The following LRRC74A variants were observed in gnomAD, a reference collection of about 807,000 sequenced individuals.
LRRC74A encodes the protein leucine-rich repeat-containing protein 74A.
LRRC74A carries 44 observed loss-of-function variants against 57.9 expected under a neutral mutation model. That is an observed-to-expected ratio of 0.76 (90% CI 0.60 to 0.98). The LOEUF is 0.98. Ranked by LOEUF, LRRC74A falls within the 50% of genes least tolerant of loss-of-function variation. The pLI, the probability that LRRC74A is intolerant of heterozygous loss-of-function variation, is 0.00. For synonymous variants in LRRC74A, 211 were observed against 219.4 expected, an observed-to-expected ratio of 0.96 and a Z score of 0.34; for missense variants, 572 against 574.0, an observed-to-expected ratio of 1.00 and a Z score of 0.04.
intron 7 of LRRC74A, among the ~76,000 whole-genome samples, chr14:76,848,913 A>G (rs1178531148): frequency 1.3e-5 from 2 of 152,180 alleles, no homozygotes; most frequent in African/African-American, 4.8e-5. Context: ...GTAAGTGGGT[A>G]GATTTCATGG....
At chr14:76,849,444 A>G (rs1278161718) in intron 7 of LRRC74A, among the ~76,000 whole-genome samples, 1 of 151,996 alleles carries the variant, frequency 6.6e-6, no homozygotes, top group African/African-American at 2.4e-5. Flanking sequence ...GATGTGAGCC[A>G]CTGCCCCGGG....
intron 7 of LRRC74A, among the ~76,000 whole-genome samples, chr14:76,850,292 C>A (rs570333065): frequency 6.6e-6 from 1 of 152,258 alleles, no homozygotes; most frequent in African/African-American, 2.4e-5. Context: ...GGATAAGTAA[C>A]CTGCCTGGGA....
intron 2 of LRRC74A, chr14:76,828,965 C>T: frequency 1.6e-6 from 2 of 1,273,320 alleles, no homozygotes; most frequent in South Asian, 1.3e-5. Context: ...CCCACACTCA[C>T]CTTAGAGCTC....
At chr14:76,853,651 C>T (rs1281111698) in intron 9 of LRRC74A, among the ~76,000 whole-genome samples, 3 of 152,100 alleles carry the variant, frequency 2.0e-5, no homozygotes, top group African/African-American at 7.2e-5. Flanking sequence ...AACAGGTCTT[C>T]CTTCCTCCCA....
chr14:76,830,772 G>A (rs1354983500), intron 2 of LRRC74A, among the ~76,000 whole-genome samples: 1 of 152,196 alleles, frequency 6.6e-6, no homozygotes, highest in Non-Finnish European at 1.5e-5. Context: ...GATAGTGGCG[G>A]TGAAACTAAA....
chr14:76,844,058 G>T (rs1896955230), intron 5 of LRRC74A, among the ~76,000 whole-genome samples: 1 of 152,030 alleles, frequency 6.6e-6, no homozygotes, highest in Admixed American at 6.6e-5. Flanking sequence ...GAGTGCAGTG[G>T]CACCAACATG....
chr14:76,852,767 CG>C (rs1333014516), intron 8 of LRRC74A, among the ~76,000 whole-genome samples: 3 of 151,894 alleles, frequency 2.0e-5, no homozygotes, highest in African/African-American at 7.3e-5. Flanking sequence ...TACAGGTGCC[CG>C]CCACCATGCC....
intron 6 of LRRC74A, 41 bp from the exon 7 acceptor site, chr14:76,844,779 A>C: frequency 9.0e-7 from 1 of 1,110,724 alleles, no homozygotes; most frequent in Non-Finnish European, 1.4e-6. Context: ...TTGCAATCAG[A>C]AGACAAAAAA....
rs186190386 is a variant in LRRC74A, at chr14:76,867,687, G to A, written c.1391+249G>A. Among the ~76,000 whole-genome samples, 18 of 152,284 alleles carry A rather than the reference G, an allele frequency of 1.2e-4. No homozygotes were observed. In the East Asian group the frequency reaches 3.5e-3, roughly 29 times the overall value. The stretch of plus-strand genomic sequence containing the variant: ...CGGATGCTGGGGATGCCAGCGGGAG[G>A]AGCCGGAGCCCACACTCACAGCCCA... On this transcript the variant is annotated intron_variant, in intron 13 of 13. Transcript: ENST00000689127.
chr14:76,850,816 C>A (rs369143518), intron 7 of LRRC74A, among the ~76,000 whole-genome samples: 4 of 137,110 alleles, frequency 2.9e-5, no homozygotes, highest in Non-Finnish European at 6.1e-5. Flanking sequence ...TGCAGTGAGC[C>A]GAGATTGTCA....
At chr14:76,843,742 C>T (rs901413894) in intron 5 of LRRC74A, among the ~76,000 whole-genome samples, 4 of 152,156 alleles carry the variant, frequency 2.6e-5, no homozygotes, top group South Asian at 2.1e-4. Flanking sequence ...TTCTCTGTCA[C>T]CCAGGCTGGA....
chr14:76,826,696 C>T lies in LRRC74A; in HGVS notation c.-2C>T. ...AGCTGCCCTCAAGAGGGTCCTGGCA[C>T]CATGGACAATGACAAGCCTCTTCAG... On this transcript the variant is annotated 5_prime_UTR_variant, in exon 1 of 14. Coordinates refer to ENST00000689127, the MANE Select transcript of LRRC74A (RefSeq NM_001385106.1). The T allele has an allele frequency of 6.4e-7, 1 of 1,555,024 alleles. No homozygotes were observed. Among genetic ancestry groups the T allele is most frequent in the South Asian group, 1.2e-5 (1 of 85,252 alleles).
chr14:76,838,345 A>G (rs1018407180), intron 5 of LRRC74A, among the ~76,000 whole-genome samples: 1 of 152,038 alleles, frequency 6.6e-6, no homozygotes, highest in African/African-American at 2.4e-5. Flanking sequence ...TTAAAAAGAG[A>G]CCTCCCCTCC....
chr14:76,843,977 AG>A (rs1896950520), intron 5 of LRRC74A, among the ~76,000 whole-genome samples: 1 of 150,192 alleles, frequency 6.7e-6, no homozygotes, highest in African/African-American at 2.5e-5. Flanking sequence ...CTGGGATTAT[AG>A]GCATGAGCCA....
At position 76,826,581 on chromosome 14, in the gene LRRC74A, C is replaced by T. The variant is rs747410665; in HGVS notation, c.-117C>T. ...ACTGCAGGCTCCCCTGGGATGCCCC[C>T]AGGTGAGGGAAGTTCACAGAGTTTG... On this transcript the variant is annotated 5_prime_UTR_variant, in exon 1 of 14. Transcript: ENST00000689127. 6.2e-7 allele frequency: 1 copy of T among 1,612,862 alleles called. No homozygotes were observed. Among genetic ancestry groups the T allele is most frequent in the African/African-American group, 1.3e-5 (1 of 74,908 alleles).
chr14:76,829,766 C>T (rs17809231), intron 2 of LRRC74A, among the ~76,000 whole-genome samples: 1,640 of 152,314 alleles, frequency 0.011, 11 homozygotes, highest in Middle Eastern at 0.024. Flanking sequence ...TAACTCGGGG[C>T]TCAGCAGCCC....
intron 2 of LRRC74A, among the ~76,000 whole-genome samples, chr14:76,829,373 G>A (rs560057572): frequency 2.2e-4 from 34 of 152,260 alleles, no homozygotes; most frequent in African/African-American, 7.9e-4. Flanking sequence ...ACCCTTCTAC[G>A]CAGACCTCCT....
chr14:76,867,459 G>C, intron 13 of LRRC74A, 21 bp downstream of exon 13: 1 of 1,430,292 alleles, frequency 7.0e-7, no homozygotes, highest in Non-Finnish European at 9.9e-7. Context: ...GCCCCGCGAC[G>C]ATCCCCGTTC....
Position 76,863,399 on chromosome 14 carries a change from C to CA in LRRC74A, c.1200+2561dup, listed in dbSNP as rs138197545. The stretch of plus-strand genomic sequence containing the variant: ...GATTGCTTCCGGATCCTCTTTGCAT[C>CA]AGCTCTCCCTTCACTGCAGGCCTGT... On this transcript the variant is annotated intron_variant, in intron 11 of 13. Transcript: ENST00000689127. Among the ~76,000 whole-genome samples the CA allele has an allele frequency of 5.6e-3, 848 of 152,300 alleles. 6 individuals carry two copies. The highest frequency in any genetic ancestry group is 0.02 in the African/African-American group (821 of 41,560).
Sources: allele counts gnomAD v4.1 joint callset (sites outside exome capture counted in the v4.1 genomes callset), GRCh38; gene constraint gnomAD v4.1.1; transcripts MANE v1.5; gene names NCBI Gene and HGNC (gene_info 2026-07-23, HGNC 2026-07-21).